Variants in CFAP97 observed in about 807,000 individuals in gnomAD.
The protein encoded by CFAP97 is cilia and flagella associated protein 97, also known as cilia- and flagella-associated protein 97.
A neutral mutation model predicts 43.1 loss-of-function variants in CFAP97; 36 were observed. The observed-to-expected ratio is 0.84, with a 90% CI of 0.64 to 1.10. The LOEUF is 1.10. Among genes scored for constraint, CFAP97 ranks in the 50% least tolerant of loss-of-function variants. The pLI is 0.00. For missense variants in CFAP97, 657 were observed against 620.3 expected (o/e 1.06, Z -0.63); for synonymous variants, 228 against 225.7 (o/e 1.01, Z -0.09).
At chr4:185,170,366 A>C in intron 3 of CFAP97, 1 of 491,014 alleles carries the variant, frequency 2.0e-6, no homozygotes, top group Non-Finnish European at 3.6e-6. Context: ...AAATAAAGTT[A>C]CTCCTGTATA....
chr4:185,190,325 A>G lies in CFAP97; in HGVS notation c.872T>C (p.Ile291Thr), dbSNP rs775736437. ...IKKQENVSQE[I>T]YEDVEDLKNN... ...TTTCAAATCCTCAACATCTTCATAT[A>G]TTTCTTGGCTCACATTTTCTTGCTT... is the stretch of plus-strand genomic sequence containing the variant. The change falls in exon 2 of 5, where the codon ATA (isoleucine) becomes ACA (threonine). Residue 291 changes from isoleucine (I) to threonine (T), a missense_variant. Physicochemically the swap from Ile to Thr is moderately conservative, Grantham distance 89 (BLOSUM62 -1). Transcript: ENST00000458385. 1.2e-6 allele frequency: 2 copies of G among 1,604,406 alleles called. No individual in the cohort carries two copies. Among genetic ancestry groups the G allele is most frequent in the African/African-American group, 1.3e-5 (1 of 74,758 alleles).
chr4:185,196,915 C>G (rs1049473082), intron 1 of CFAP97, among the ~76,000 whole-genome samples: 1 of 151,810 alleles, frequency 6.6e-6, no homozygotes, highest in Non-Finnish European at 1.5e-5. Context: ...GCCTGGCCAA[C>G]GTGGTGAAAC....
intron 3 of CFAP97, among the ~76,000 whole-genome samples, chr4:185,165,178 T>C (rs184131905): frequency 0.015 from 2,275 of 152,368 alleles, 17 homozygotes; most frequent in Non-Finnish European, 0.025. Context: ...CTGGGCACAG[T>C]GGCTCACACC....
chr4:185,202,572 C>G (rs1266122820), intron 1 of CFAP97, among the ~76,000 whole-genome samples: 1 of 140,760 alleles, frequency 7.1e-6, no homozygotes, highest in Non-Finnish European at 1.6e-5. Context: ...CAAAAAAAAT[C>G]ACCGGGTTTC....
intron 4 of CFAP97, 143 bp downstream of exon 4, chr4:185,163,886 A>C: frequency 2.8e-6 from 2 of 721,664 alleles, no homozygotes; most frequent in Non-Finnish European, 4.4e-6. Context: ...AACTAATACA[A>C]ATAAAACAAA....
upstream of CFAP97, among the ~76,000 whole-genome samples, chr4:185,208,650 C>T (rs1228220606): frequency 6.6e-6 from 1 of 151,922 alleles, no homozygotes; most frequent in Admixed American, 6.6e-5. Context: ...ATGGCTTGAA[C>T]CCAGGAAGCA....
chr4:185,186,047 C>G (rs1735994948), intron 2 of CFAP97, among the ~76,000 whole-genome samples: 1 of 152,126 alleles, frequency 6.6e-6, no homozygotes, highest in Admixed American at 6.5e-5. Flanking sequence ...CAAGAAAGAT[C>G]AATATGTTTT....
chr4:185,180,038 T>C (rs61314866), intron 2 of CFAP97, among the ~76,000 whole-genome samples: 7,647 of 152,170 alleles, frequency 0.05, 243 homozygotes, highest in Middle Eastern at 0.12. Context: ...GAGTTCTATG[T>C]TGTATATTAA....
intron 1 of CFAP97, among the ~76,000 whole-genome samples, chr4:185,196,545 T>C (rs1401087434): frequency 6.6e-6 from 1 of 152,042 alleles, no homozygotes; most frequent in African/African-American, 2.4e-5. Context: ...CTTAAATGCA[T>C]TGAGTGTACT....
intron 2 of CFAP97, among the ~76,000 whole-genome samples, chr4:185,189,857 C>A (rs552858100): frequency 3.3e-5 from 5 of 152,198 alleles, no homozygotes; most frequent in African/African-American, 1.2e-4. Context: ...ATCTGGCTAC[C>A]CTTCTCTCAT....
intron 2 of CFAP97, among the ~76,000 whole-genome samples, chr4:185,177,994 A>C (rs1415617197): frequency 6.6e-6 from 1 of 152,140 alleles, no homozygotes; most frequent in African/African-American, 2.4e-5. Flanking sequence ...AATAATTAAC[A>C]GTGGCTTCCT....
At chr4:185,206,959 A>G (rs1737213765), upstream of CFAP97, among the ~76,000 whole-genome samples, 1 of 152,176 alleles carries the variant, frequency 6.6e-6, no homozygotes, top group African/African-American at 2.4e-5. Context: ...TCTCAACGCC[A>G]GAGCCTGGAG....
chr4:185,192,853 G>A lies in CFAP97; in HGVS notation c.-16-1641C>T, dbSNP rs370407148. ...CCTCCCGGGTTCACGCCATTCTCCT[G>A]CCTCAGCCTCCCGAGTAGCTGGGAC... On this transcript the variant is annotated intron_variant, in intron 1 of 4. Transcript: ENST00000458385. 5.2e-3 allele frequency among the ~76,000 whole-genome samples: 760 copies of A among 146,736 alleles called. 5 individuals carry two copies. Among genetic ancestry groups the A allele is most frequent in the African/African-American group, 0.018 (698 of 39,424 alleles).
chr4:185,167,982 G>C (rs935866844), intron 3 of CFAP97, among the ~76,000 whole-genome samples: 1 of 135,990 alleles, frequency 7.4e-6, no homozygotes, highest in African/African-American at 2.8e-5. Context: ...CTGGGTGACA[G>C]TGTAAGACTC....
At chr4:185,205,217 A>T (rs1476480327), upstream of CFAP97, among the ~76,000 whole-genome samples, 1 of 152,160 alleles carries the variant, frequency 6.6e-6, no homozygotes, top group Non-Finnish European at 1.5e-5. Flanking sequence ...GCACTTCGGG[A>T]GGCCGAGGCG....
upstream of CFAP97, among the ~76,000 whole-genome samples, chr4:185,207,099 A>G (rs1383396120): frequency 6.6e-6 from 1 of 152,046 alleles, no homozygotes; most frequent in East Asian, 1.9e-4. Context: ...TCCCTACTCA[A>G]TCCACTGACC....
chr4:185,200,167 A>G (rs567588731), intron 1 of CFAP97, among the ~76,000 whole-genome samples: 1 of 152,352 alleles, frequency 6.6e-6, no homozygotes, highest in South Asian at 2.1e-4. Context: ...GATAACTTTA[A>G]GGGATTTAAG....
Position 185,187,620 on chromosome 4 carries a change from A to G in CFAP97, c.1054+2523T>C, listed in dbSNP as rs72704022. Among the ~76,000 whole-genome samples the G allele has an allele frequency of 1.4e-3, 212 of 152,108 alleles. 2 individuals are homozygous for G. Among genetic ancestry groups the G allele is most frequent in the Non-Finnish European group, 2.5e-3 (172 of 68,014 alleles). ...GCCTCACCAACGGGAAAAAACCCGG[A>G]GTGTCCTTACAACAGGAGCGGCAAC... On this transcript the variant is annotated intron_variant, in intron 2 of 4. Coordinates refer to ENST00000458385, the MANE Select transcript of CFAP97 (RefSeq NM_020827.3).
At chr4:185,201,574 A>ACAG (rs1471906508) in intron 1 of CFAP97, among the ~76,000 whole-genome samples, 1 of 152,226 alleles carries the variant, frequency 6.6e-6, no homozygotes, top group African/African-American at 2.4e-5. Context: ...CAGATGATTG[A>ACAG]CAGCATTTTT....
Sources: gnomAD v4.1 joint callset for allele counts (sites outside exome capture counted in the v4.1 genomes callset) on GRCh38, gnomAD v4.1.1 for gene constraint, MANE v1.5 for transcripts, NCBI Gene and HGNC (gene_info 2026-07-23, HGNC 2026-07-21) for gene names.